Variants in ANK3 observed in about 807,000 individuals in gnomAD.
ANK3 encodes the protein ankyrin-3.
A neutral mutation model predicts 370.9 loss-of-function variants in ANK3; 57 were observed. That is an observed-to-expected ratio of 0.15 (90% CI 0.12 to 0.19). The LOEUF (loss-of-function observed/expected upper bound fraction) is 0.19. ANK3 is among the 10% of genes least tolerant of loss of function. The pLI is 1.00. For synonymous variants in ANK3, 1,929 were observed against 1,946.3 expected, an observed-to-expected ratio of 0.99 and a Z score of 0.23; for missense variants, 4,439 against 5,302.1, an observed-to-expected ratio of 0.84 and a Z score of 5.06.
intron 2 of ANK3, among the ~76,000 whole-genome samples, chr10:60,500,825 A>G (rs2133142430): frequency 6.6e-6 from 1 of 152,302 alleles, no homozygotes; most frequent in Admixed American, 6.5e-5. Flanking sequence ...TTTTTCCTTC[A>G]AGGCCCAGAA....
At chr10:60,236,584 G>T (rs1038822550) in intron 7 of ANK3, among the ~76,000 whole-genome samples, 3 of 152,070 alleles carry the variant, frequency 2.0e-5, no homozygotes, top group African/African-American at 7.2e-5. Context: ...TTTTCTCCCT[G>T]TATTTTATGT....
At chr10:60,237,572 A>C (rs1401989374) in intron 7 of ANK3, among the ~76,000 whole-genome samples, 1 of 151,488 alleles carries the variant, frequency 6.6e-6, no homozygotes, top group Non-Finnish European at 1.5e-5. Flanking sequence ...AGATGACAAA[A>C]AGGTGCCTTG....
chr10:60,106,516 G>C (rs761851791), intron 27 of ANK3, among the ~76,000 whole-genome samples: 3 of 152,028 alleles, frequency 2.0e-5, no homozygotes, highest in Non-Finnish European at 4.4e-5. Flanking sequence ...TCCTTAGCAA[G>C]AAAACAATCA....
At chr10:60,344,894 G>A (rs537636675) in intron 1 of ANK3, among the ~76,000 whole-genome samples, 32 of 152,280 alleles carry the variant, frequency 2.1e-4, no homozygotes, top group East Asian at 1.4e-3. Context: ...AATGTGTTGC[G>A]TGTGAACACA....
intron 3 of ANK3, 72 bp downstream of exon 3, chr10:60,278,976 CCA>C: frequency 6.5e-7 from 1 of 1,545,598 alleles, no homozygotes; most frequent in Non-Finnish European, 8.9e-7. Context: ...ATATGTGCCC[CCA>C]TTCTTACTGA....
At chr10:60,318,383 A>G (rs2047916590) in intron 1 of ANK3, among the ~76,000 whole-genome samples, 1 of 152,206 alleles carries the variant, frequency 6.6e-6, no homozygotes, top group African/African-American at 2.4e-5. Flanking sequence ...TCCTTCCAAA[A>G]ATTTAATAGA....
intron 2 of ANK3, among the ~76,000 whole-genome samples, chr10:60,487,022 C>T (rs891063510): frequency 1.3e-5 from 2 of 151,906 alleles, no homozygotes; most frequent in African/African-American, 4.8e-5. Flanking sequence ...GTAATTATTC[C>T]CAAATTTAAT....
At chr10:60,214,508 C>G (rs1204465657) in intron 8 of ANK3, among the ~76,000 whole-genome samples, 1 of 152,084 alleles carries the variant, frequency 6.6e-6, no homozygotes, top group African/African-American at 2.4e-5. Context: ...AGTTCCCTCC[C>G]CTCACCCCCC....
At chr10:60,348,347 C>CAAAAAAAAAAAAAAAAAA (rs35147179) in intron 1 of ANK3, among the ~76,000 whole-genome samples, 105 of 68,060 alleles carry the variant, frequency 1.5e-3, no homozygotes, top group African/African-American at 3.4e-3. Context: ...TATCACTAGC[C>CAAAAAAAAAAAAAAAAAA]AAAAAAAAAA....
At chr10:60,471,770 A>T (rs1462380041) in intron 2 of ANK3, among the ~76,000 whole-genome samples, 2 of 152,116 alleles carry the variant, frequency 1.3e-5, no homozygotes, top group African/African-American at 4.8e-5. Context: ...AAGGCCTGAC[A>T]ACAAAATTCT....
intron 2 of ANK3, among the ~76,000 whole-genome samples, chr10:60,429,894 C>T (rs1175509958): frequency 1.3e-5 from 2 of 152,036 alleles, no homozygotes; most frequent in African/African-American, 4.8e-5. Context: ...CATTTAAATA[C>T]AAACCATTAC....
chr10:60,114,400 A>T, intron 25 of ANK3, 69 bp from the exon 26 acceptor site: 9 of 759,282 alleles, frequency 1.2e-5, no homozygotes, highest in South Asian at 2.0e-5. Context: ...TACACATATA[A>T]AATATATTTG....
chr10:60,271,964 CA>C (rs1168750826), intron 4 of ANK3, among the ~76,000 whole-genome samples: 1 of 151,356 alleles, frequency 6.6e-6, no homozygotes, highest in Non-Finnish European at 1.5e-5. Context: ...ACATCACATT[CA>C]ATCTTCTTCC....
At chr10:60,581,976 A>G (rs2077760726) in intron 2 of ANK3, among the ~76,000 whole-genome samples, 1 of 152,176 alleles carries the variant, frequency 6.6e-6, no homozygotes, top group African/African-American at 2.4e-5. Context: ...TTGCAGGGAC[A>G]TGGATGAAGC....
At chr10:60,111,246 C>G (rs78484340) in intron 26 of ANK3, among the ~76,000 whole-genome samples, 7,165 of 152,158 alleles carry the variant, frequency 0.047, 208 homozygotes, top group Non-Finnish European at 0.058. Context: ...CACTAGTTAA[C>G]ATGATATTAA....
intron 1 of ANK3, among the ~76,000 whole-genome samples, chr10:60,672,997 A>AT (rs200759752): frequency 3.3e-4 from 49 of 150,630 alleles, no homozygotes; most frequent in African/African-American, 9.0e-4. Context: ...GAAAACATGT[A>AT]TTTTTTTTTC....
At chr10:60,059,993 A>G (rs2080037331) in intron 40 of ANK3, 1 of 1,590,088 alleles carries the variant, frequency 6.3e-7, no homozygotes, top group African/African-American at 1.3e-5. Context: ...GTTCCACTTG[A>G]AGGGAAGGAT....
intron 1 of ANK3, among the ~76,000 whole-genome samples, chr10:60,698,815 G>A (rs2079505137): frequency 6.6e-6 from 1 of 150,758 alleles, no homozygotes; most frequent in Non-Finnish European, 1.5e-5. Flanking sequence ...TGACGAGCTA[G>A]TGGGTGCAGT....
At chr10:60,337,935 T>C in intron 1 of ANK3, among the ~76,000 whole-genome samples, 1 of 152,198 alleles carries the variant, frequency 6.6e-6, no homozygotes, top group South Asian at 2.1e-4. Context: ...TGATTTTATA[T>C]TTGATTTTCC....
Sources: allele counts gnomAD v4.1 joint callset (sites outside exome capture counted in the v4.1 genomes callset), GRCh38; gene constraint gnomAD v4.1.1; transcripts MANE v1.5; gene names NCBI Gene and HGNC (gene_info 2026-07-23, HGNC 2026-07-21).